Variants in DNAH11 observed in about 807,000 individuals in gnomAD.
The protein encoded by DNAH11 is axonemal beta dynein heavy chain 11.
A neutral mutation model predicts 526.0 loss-of-function variants in DNAH11; 442 were observed. The observed-to-expected ratio is 0.84, with a 90% confidence interval of 0.78 to 0.91. The LOEUF is 0.91. Among genes scored for constraint, DNAH11 ranks in the 40% least tolerant of loss-of-function variants. The pLI is 0.00. For synonymous variants in DNAH11, 2,461 were observed against 1,935.9 expected, an observed-to-expected ratio of 1.27 and a Z score of -7.12; for missense variants, 6,989 against 5,448.7, an observed-to-expected ratio of 1.28 and a Z score of -8.90.
rs772130280 is a variant in DNAH11 at position 21,765,412 on chromosome 7, C to A, written c.8941-16C>A. On this transcript the variant is annotated splice_polypyrimidine_tract_variant and intron_variant, in intron 54 of 81. Transcript: ENST00000409508. ...CATCACCCGCCTGTTTCTGCCTTGCCCCCATGTCTCCACAGATCATTTTGT... is the reference window on the plus strand; with the variant it reads ...CATCACCCGCCTGTTTCTGCCTTGCACCCATGTCTCCACAGATCATTTTGT... 2 of 1,613,480 alleles carry A rather than the reference C, an allele frequency of 1.2e-6. No homozygotes were observed. The highest frequency in any genetic ancestry group is 1.1e-5 in the South Asian group (1 of 91,048).
intron 2 of DNAH11, among the ~76,000 whole-genome samples, chr7:21,549,687 C>T (rs1268907981): frequency 6.6e-6 from 1 of 152,148 alleles, no homozygotes; most frequent in East Asian, 1.9e-4. Flanking sequence ...AGCCCTTGGA[C>T]AGATGTAATT....
intron 54 of DNAH11, among the ~76,000 whole-genome samples, chr7:21,764,795 A>G (rs1000013690): frequency 1.2e-4 from 18 of 152,248 alleles, no homozygotes; most frequent in African/African-American, 4.3e-4. Flanking sequence ...AGGTCATTAC[A>G]TAGCTACACA....
At chr7:21,579,638 G>A (rs1784234705) in intron 8 of DNAH11, among the ~76,000 whole-genome samples, 1 of 152,328 alleles carries the variant, frequency 6.6e-6, no homozygotes, top group African/African-American at 2.4e-5. Context: ...GTTAGGAGCA[G>A]TAAGTGGCAT....
rs769695221 is a variant in DNAH11, at chr7:21,773,955, C to A, written c.9292C>A (p.Arg3098Ser). ...KQNEVSEKKE[R>S]LVNGIQKLKT... is the part of the protein sequence containing the mutation. ...AAATGAGGTATCCGAGAAAAAAGAA[C>A]GCCTGGTGAACGGCATCCAAAAGCT... Residue 3098 changes from arginine to serine, a missense_variant, in exon 56 of 82, where the codon CGC becomes AGC. Coordinates refer to ENST00000409508, the MANE Select transcript of DNAH11 (RefSeq NM_001277115.2). 1.3e-6 allele frequency: 2 copies of A among 1,584,154 alleles called. No individual in the cohort carries two copies. The highest frequency in any genetic ancestry group is 1.8e-5 in the Admixed American group (1 of 55,140).
intron 6 of DNAH11, among the ~76,000 whole-genome samples, chr7:21,569,754 A>T (rs1783810247): frequency 6.6e-6 from 1 of 152,202 alleles, no homozygotes; most frequent in South Asian, 2.1e-4. Context: ...GATTGTTCAG[A>T]ATATTTGCTG....
In DNAH11 at chr7:21,641,273, A is replaced by T. The variant is rs546434601; in HGVS notation, c.4944+2208A>T. ...TGGAGGTTGGGGGACCCAGTCTTCT[A>T]CCTTACCCAAAAAAGGCGGGGGAGA... On this transcript the variant is annotated intron_variant, in intron 28 of 81. Coordinates refer to ENST00000409508, the MANE Select transcript of DNAH11 (RefSeq NM_001277115.2). 1.8e-4 allele frequency among the ~76,000 whole-genome samples: 27 copies of T among 152,182 alleles called. 1 individual carries two copies. Among genetic ancestry groups the T allele is most frequent in the Admixed American group, 1.2e-3 (18 of 15,290 alleles).
In DNAH11 at chr7:21,816,474, T is replaced by C. The variant is rs1262069536; in HGVS notation, c.10340T>C (p.Ile3447Thr). ...WVPFLQQKVS[I>T]PLTEGLDLIS... ...TCAACTCTGATTTTAAAGGTTTCCA[T>C]TCCACTAACCGAAGGCCTGGACTTG... is the stretch of plus-strand genomic sequence containing the variant. Residue 3447 changes from isoleucine to threonine, a missense_variant, in exon 64 of 82, where the codon ATT becomes ACT. Physicochemically the swap from Ile to Thr is moderately conservative, Grantham distance 89. Coordinates refer to ENST00000409508, the MANE Select transcript of DNAH11 (RefSeq NM_001277115.2). The C allele has an allele frequency of 5.0e-6, 8 of 1,603,060 alleles. No individual in the cohort carries two copies. The highest frequency in any genetic ancestry group is 1.3e-5 in the African/African-American group (1 of 74,762).
At chr7:21,787,328 T>G in intron 59 of DNAH11, 73 bp from the exon 60 acceptor site, 1 of 1,477,474 alleles carries the variant, frequency 6.8e-7, no homozygotes, top group East Asian at 2.3e-5. Context: ...TAAAAGCTGA[T>G]TTTAACTTTT....
chr7:21,544,416 T>C (rs1364898755), intron 1 of DNAH11, among the ~76,000 whole-genome samples: 2 of 152,226 alleles, frequency 1.3e-5, no homozygotes, highest in Admixed American at 1.3e-4. Flanking sequence ...TCTTTTGTTT[T>C]AGGACTCTCC....
At chr7:21,611,416 G>A (rs1034834779) in intron 20 of DNAH11, among the ~76,000 whole-genome samples, 2 of 152,082 alleles carry the variant, frequency 1.3e-5, no homozygotes, top group African/African-American at 4.8e-5. Context: ...ATAGCTTATT[G>A]TGAGACTTCT....
chr7:21,780,210 T>G (rs1179223732), intron 57 of DNAH11, among the ~76,000 whole-genome samples: 1 of 152,166 alleles, frequency 6.6e-6, no homozygotes, highest in African/African-American at 2.4e-5. Flanking sequence ...TAATTTGGGT[T>G]GTAAATGTTT....
intron 41 of DNAH11, among the ~76,000 whole-genome samples, chr7:21,711,131 C>G (rs1562502807): frequency 6.6e-6 from 1 of 150,744 alleles, no homozygotes; most frequent in Non-Finnish European, 1.5e-5. Context: ...GCTTTTTTGC[C>G]ACAGTTAATT....
At chr7:21,881,246 T>C (rs1354459390) in intron 75 of DNAH11, among the ~76,000 whole-genome samples, 1 of 152,230 alleles carries the variant, frequency 6.6e-6, no homozygotes, top group Non-Finnish European at 1.5e-5. Flanking sequence ...ATACAGCAAT[T>C]CTGACAGTTC....
intron 65 of DNAH11, among the ~76,000 whole-genome samples, chr7:21,822,365 C>T (rs1790092690): frequency 6.6e-6 from 1 of 152,040 alleles, no homozygotes; most frequent in African/African-American, 2.4e-5. Context: ...AACCATATTT[C>T]AAGGTAACTC....
Position 21,765,444 on chromosome 7 carries a change from C to T in DNAH11, c.8957C>T (p.Ser2986Phe), listed in dbSNP as rs1182189440. ...TCTCCACAGATCATTTTGTGTTTCT[C>T]TCCAGTTGGTCGCACGCTGAGAGTT... ...RLQLKIILCFSPVGRTLRVRA... is the reference protein window; with the variant it reads ...RLQLKIILCFFPVGRTLRVRA... Residue 2986 changes from serine to phenylalanine, a missense_variant, in exon 55 of 82, where the codon TCT (serine) becomes TTT (phenylalanine). Coordinates refer to ENST00000409508, the MANE Select transcript of DNAH11 (RefSeq NM_001277115.2). 2 of 1,613,850 alleles carry T rather than the reference C, an allele frequency of 1.2e-6. No individual in the cohort carries two copies. The highest frequency in any genetic ancestry group is 1.1e-5 in the South Asian group (1 of 91,078).
chr7:21,728,272 T>G (rs112810387), intron 45 of DNAH11, among the ~76,000 whole-genome samples: 3 of 73,512 alleles, frequency 4.1e-5, no homozygotes, highest in African/African-American at 1.7e-4. Flanking sequence ...TTTTTTTTTT[T>G]TTTGAGACAG....
rs754460337 is a variant in DNAH11 at position 21,899,372 on chromosome 7, T to A, written c.13086T>A (p.Asp4362Glu). 9.3e-6 allele frequency: 15 copies of A among 1,613,882 alleles called. No individual in the cohort carries two copies. Among genetic ancestry groups the A allele is most frequent in the Non-Finnish European group, 1.3e-5 (15 of 1,179,886 alleles). The change falls in exon 80 of 82, where the codon GAT becomes GAA. Residue 4362 changes from aspartate to glutamate, a missense_variant. Asp to Glu is a conservative substitution (Grantham distance 45). Coordinates refer to ENST00000409508, the MANE Select transcript of DNAH11 (RefSeq NM_001277115.2). Reference protein sequence around the residue: ...NDLLLRCRELDTWTQDLTLPA... With the variant: ...NDLLLRCRELETWTQDLTLPA... ...TCCTCCTGCGATGCCGAGAACTCGATACTTGGACACAAGACCTTACCCTTC... is the reference window on the plus strand; with the variant it reads ...TCCTCCTGCGATGCCGAGAACTCGAAACTTGGACACAAGACCTTACCCTTC...
intron 68 of DNAH11, among the ~76,000 whole-genome samples, chr7:21,856,681 A>G (rs1189838879): frequency 2.6e-5 from 4 of 152,240 alleles, no homozygotes; most frequent in Non-Finnish European, 5.9e-5. Context: ...TTAACATTCA[A>G]AAATCACGAA....
chr7:21,769,001 A>C (rs1235881538), intron 55 of DNAH11, among the ~76,000 whole-genome samples: 1 of 152,210 alleles, frequency 6.6e-6, no homozygotes, highest in African/African-American at 2.4e-5. Flanking sequence ...AATAATTTTA[A>C]AAAAGAAATA....
Sources: allele counts gnomAD v4.1 joint callset (sites outside exome capture counted in the v4.1 genomes callset), GRCh38; gene constraint gnomAD v4.1.1; transcripts MANE v1.5; gene names NCBI Gene and HGNC (gene_info 2026-07-23, HGNC 2026-07-21).